Variants in GRB2 observed in about 807,000 individuals in gnomAD.
GRB2 encodes growth factor receptor bound protein 2.
In GRB2, 2 loss-of-function variants were observed where a neutral mutation model predicts 27.4. That is an observed-to-expected ratio of 0.07 (90% confidence interval 0.03 to 0.23). The LOEUF is 0.23. Among genes scored for constraint, GRB2 ranks in the 10% least tolerant of loss-of-function variants. The pLI is 1.00. For missense variants in GRB2, 102 were observed against 282.4 expected (o/e 0.36, Z 4.58); for synonymous variants, 94 against 99.6 (o/e 0.94, Z 0.33).
In GRB2 at chr17:75,336,738, A is replaced by T. The variant is rs1389070847; in HGVS notation, c.79-3941T>A. ...TGGAATTAATGCTTTTAAAAATGTAATTTTTTTTTTTGAGAGAGTCTTGCT... is the reference window on the plus strand; with the variant it reads ...TGGAATTAATGCTTTTAAAAATGTATTTTTTTTTTTTGAGAGAGTCTTGCT... On this transcript the variant is annotated intron_variant, in intron 2 of 5. Transcript: ENST00000316804. 2.0e-5 allele frequency among the ~76,000 whole-genome samples: 3 copies of T among 149,686 alleles called. No individual in the cohort carries two copies. In the East Asian group the frequency reaches 5.8e-4, roughly 29 times the overall value.
At chr17:75,395,856 T>C (rs1004853494) in intron 1 of GRB2, among the ~76,000 whole-genome samples, 1 of 152,000 alleles carries the variant, frequency 6.6e-6, no homozygotes, top group Non-Finnish European at 1.5e-5. Flanking sequence ...TTTTTTTTCT[T>C]TTTTGAGATA....
At chr17:75,351,160 T>C (rs948490357) in intron 2 of GRB2, among the ~76,000 whole-genome samples, 3 of 152,094 alleles carry the variant, frequency 2.0e-5, no homozygotes, top group African/African-American at 7.2e-5. Flanking sequence ...GTAGGGGGCT[T>C]CTGACTGTTT....
At chr17:75,325,837 G>T (rs2078495387) in intron 4 of GRB2, 61 bp downstream of exon 4, 8 of 1,577,702 alleles carry the variant, frequency 5.1e-6, no homozygotes, top group Non-Finnish European at 6.1e-6. Flanking sequence ...CTGACCAACG[G>T]CTTCACAATT....
Position 75,368,541 on chromosome 17 carries a change from G to GTT in GRB2, c.78+25008_78+25009dup, listed in dbSNP as rs1246663313. Among the ~76,000 whole-genome samples the GTT allele has an allele frequency of 7.0e-5, 10 of 142,854 alleles. No homozygotes were observed. The East Asian group carries it at 1.6e-3, about 23-fold the overall frequency. The allele number at this position is 142,854 out of a possible 152,430, so 93.7% of individuals were successfully genotyped here. ...TCAGGCGTTTGTTTTTTTTTTTGTT[G>GTT]TTTTTTTTTTTAAAGATAGGATCTT... On this transcript the variant is annotated intron_variant, in intron 2 of 5. Transcript: ENST00000316804.
chr17:75,339,044 T>C (rs982211010), intron 2 of GRB2: 23 of 1,276,072 alleles, frequency 1.8e-5, no homozygotes, highest in Non-Finnish European at 2.4e-5. Flanking sequence ...CTTGAGTGCG[T>C]TGAGCCCAAC....
At chr17:75,321,012 G>A (rs894063965) in intron 5 of GRB2, among the ~76,000 whole-genome samples, 11 of 152,024 alleles carry the variant, frequency 7.2e-5, no homozygotes, top group Admixed American at 6.6e-5. Flanking sequence ...AACGGGTGCC[G>A]ACCCCATTCC....
At position 75,321,710 on chromosome 17, in the gene GRB2, A is replaced by G. The variant is rs955731103; in HGVS notation, c.417T>C (p.Ser139=). 1 of 1,614,184 alleles carries G rather than the reference A, an allele frequency of 6.2e-7. No homozygotes were observed. The highest frequency in any genetic ancestry group is 1.3e-5 in the African/African-American group (1 of 75,056). The stretch of plus-strand genomic sequence containing the variant: ...GGAATATCTGCTGGTTTCTGGAGAC[A>G]GATGTAGATCTGTGATAATCCACCA... ...NELVDYHRST[S]VSRNQQIFLR... The change falls in exon 5 of 6, where the codon TCT becomes TCC. Residue 139 remains serine (S), a synonymous_variant. Transcript: ENST00000316804.
At chr17:75,361,010 G>C (rs1429844805) in intron 2 of GRB2, among the ~76,000 whole-genome samples, 2 of 151,800 alleles carry the variant, frequency 1.3e-5, no homozygotes, top group East Asian at 3.9e-4. Flanking sequence ...GGCCTCAAGC[G>C]ATCCTCCCAC....
chr17:75,371,908 A>G (rs1232143982), intron 2 of GRB2: 2 of 152,188 alleles, frequency 1.3e-5, no homozygotes, highest in Non-Finnish European at 2.9e-5. Context: ...GAGGATAGTA[A>G]ATTATGCAAA....
At chr17:75,322,294 C>T (rs1296627206) in intron 4 of GRB2, among the ~76,000 whole-genome samples, 2 of 151,524 alleles carry the variant, frequency 1.3e-5, no homozygotes, top group African/African-American at 4.9e-5. Flanking sequence ...ATCACTTGAA[C>T]CTGGGAGGCC....
intron 2 of GRB2, among the ~76,000 whole-genome samples, chr17:75,349,696 T>G (rs965063829): frequency 1.3e-5 from 2 of 151,832 alleles, no homozygotes; most frequent in African/African-American, 4.8e-5. Context: ...ATTTTTGTAT[T>G]TTAAGTTGAG....
chr17:75,322,739 G>C (rs1434244512), intron 4 of GRB2, among the ~76,000 whole-genome samples: 1 of 152,178 alleles, frequency 6.6e-6, no homozygotes, highest in African/African-American at 2.4e-5. Flanking sequence ...GCTGGTACTA[G>C]CTCACAGGGT....
chr17:75,391,061 A>G (rs1195488506), intron 2 of GRB2, among the ~76,000 whole-genome samples: 1 of 152,234 alleles, frequency 6.6e-6, no homozygotes, highest in Non-Finnish European at 1.5e-5. Context: ...ACAGCTTTTA[A>G]GAAAGCATGT....
chr17:75,324,520 T>TG (rs2078484682), intron 4 of GRB2, among the ~76,000 whole-genome samples: 1 of 78,470 alleles, frequency 1.3e-5, no homozygotes, highest in African/African-American at 4.3e-5. Flanking sequence ...TTTTTTTTTT[T>TG]TTTTTTTTTT....
chr17:75,399,703 G>A (rs2079051955), intron 1 of GRB2, among the ~76,000 whole-genome samples: 1 of 147,306 alleles, frequency 6.8e-6, no homozygotes, highest in Non-Finnish European at 1.5e-5. Context: ...ACAGAGTCTC[G>A]CTCTGTCGCC....
At chr17:75,330,368 G>A (rs919186709) in intron 3 of GRB2, among the ~76,000 whole-genome samples, 6 of 151,450 alleles carry the variant, frequency 4.0e-5, no homozygotes, top group African/African-American at 7.3e-5. Flanking sequence ...GCGACAGAGC[G>A]AGACTCCATC....
Position 75,322,600 on chromosome 17 carries a change from G to T in GRB2, c.300-773C>A, listed in dbSNP as rs568774528. 2.0e-5 allele frequency among the ~76,000 whole-genome samples: 3 copies of T among 152,232 alleles called. 1 individual carries two copies. The highest frequency in any genetic ancestry group is 7.2e-5 in the African/African-American group (3 of 41,546). ...CAGGAATTTTAGCTCCACTCATGGG[G>T]AAAAGGTCTCTGAACAAAAGGACGT... On this transcript the variant is annotated intron_variant, in intron 4 of 5. Transcript: ENST00000316804.
At chr17:75,379,801 A>G (rs1455625298) in intron 2 of GRB2, among the ~76,000 whole-genome samples, 1 of 152,346 alleles carries the variant, frequency 6.6e-6, no homozygotes, top group East Asian at 1.9e-4. Context: ...AAGTTGATAC[A>G]TAATAAATAG....
intron 2 of GRB2, among the ~76,000 whole-genome samples, chr17:75,387,291 T>A (rs1489280098): frequency 6.6e-6 from 1 of 151,486 alleles, no homozygotes; most frequent in Non-Finnish European, 1.5e-5. Flanking sequence ...AACTCACCTC[T>A]ACTAAAAGTA....
Sources: gnomAD v4.1 joint callset for allele counts (sites outside exome capture counted in the v4.1 genomes callset) on GRCh38, gnomAD v4.1.1 for gene constraint, MANE v1.5 for transcripts, NCBI Gene and HGNC (gene_info 2026-07-23, HGNC 2026-07-21) for gene names.